TSHZ2: variants seen among roughly 807,000 people sequenced by gnomAD.
TSHZ2 encodes the protein teashirt zinc finger homeobox 2.
In TSHZ2, 21 loss-of-function variants were observed where a neutral mutation model predicts 74.4. The ratio of observed to expected loss-of-function variants is 0.28; its 90% CI spans 0.20 to 0.41. TSHZ2 has a LOEUF of 0.41. Ranked by LOEUF, TSHZ2 falls within the 10% of genes least tolerant of loss-of-function variation. TSHZ2 has a pLI of 1.00. For synonymous variants in TSHZ2, 540 were observed against 515.3 expected, an observed-to-expected ratio of 1.05 and a Z score of -0.65; for missense variants, 1,244 against 1,293.5, an observed-to-expected ratio of 0.96 and a Z score of 0.59.
At chr20:53,172,297 G>A (rs552336013) in intron 1 of TSHZ2, among the ~76,000 whole-genome samples, 1 of 152,204 alleles carries the variant, frequency 6.6e-6, no homozygotes, top group African/African-American at 2.4e-5. Context: ...AGGCTTTTGA[G>A]GATTTTCTTT....
intron 2 of TSHZ2, among the ~76,000 whole-genome samples, chr20:53,291,993 TAAA>T (rs11411553): frequency 7.1e-6 from 1 of 141,240 alleles, no homozygotes; most frequent in Non-Finnish European, 1.5e-5. Context: ...GGATAGCATT[TAAA>T]AAAAAAAAAA....
chr20:53,484,686 T>C (rs1986250341), intron 2 of TSHZ2, among the ~76,000 whole-genome samples: 1 of 152,150 alleles, frequency 6.6e-6, no homozygotes, highest in Admixed American at 6.5e-5. Flanking sequence ...ATGCTCGTCC[T>C]TTATCTCTCA....
At chr20:53,202,633 A>T (rs1385830007) in intron 1 of TSHZ2, among the ~76,000 whole-genome samples, 5 of 152,214 alleles carry the variant, frequency 3.3e-5, no homozygotes, top group African/African-American at 1.2e-4. Flanking sequence ...AGACTTATGC[A>T]AATCACCGTA....
At position 53,202,297 on chromosome 20, in the gene TSHZ2, A is replaced by G. The variant is rs192152796; in HGVS notation, c.41-51202A>G. Among the ~76,000 whole-genome samples, 3 of 152,240 alleles carry G rather than the reference A, an allele frequency of 2.0e-5. No homozygotes were observed. The East Asian group carries it at 5.8e-4, about 29-fold the overall frequency. On this transcript the variant is annotated intron_variant, in intron 1 of 2. Transcript: ENST00000371497. The stretch of plus-strand genomic sequence containing the variant: ...GGCCATTGTGGAAAAAGAACCTAAT[A>G]TCCTGTGTATCACTTTCTCTTCTAA...
At chr20:52,977,600 A>G (rs558115326) in intron 1 of TSHZ2, among the ~76,000 whole-genome samples, 1 of 152,226 alleles carries the variant, frequency 6.6e-6, no homozygotes, top group African/African-American at 2.4e-5. Context: ...AACATTTTGG[A>G]CGGAAATTGA....
chr20:53,210,383 G>A (rs1012468416), intron 1 of TSHZ2, among the ~76,000 whole-genome samples: 2 of 152,144 alleles, frequency 1.3e-5, no homozygotes, highest in African/African-American at 4.8e-5. Context: ...TTTATCGAGC[G>A]GTGGAGGTGG....
At chr20:53,077,181 G>A (rs1047244767) in intron 1 of TSHZ2, among the ~76,000 whole-genome samples, 1 of 152,166 alleles carries the variant, frequency 6.6e-6, no homozygotes, top group Non-Finnish European at 1.5e-5. Context: ...GGGAGGCTAA[G>A]GCGGGTGGGT....
chr20:53,158,450 CTGGGCTGATAGTGG>C (rs144151155), intron 1 of TSHZ2, among the ~76,000 whole-genome samples: 2,410 of 152,064 alleles, frequency 0.016, 54 homozygotes, highest in African/African-American at 0.055. Flanking sequence ...GTGGCTGTGG[CTGGGCTGATAGTGG>C]TGGGCTGATA....
intron 2 of TSHZ2, among the ~76,000 whole-genome samples, chr20:53,303,050 T>C (rs1978375842): frequency 6.6e-6 from 1 of 152,240 alleles, no homozygotes; most frequent in Non-Finnish European, 1.5e-5. Context: ...ATGTACCTTA[T>C]AAATTAATAA....
At chr20:53,198,389 G>A (rs1156861247) in intron 1 of TSHZ2, 1 of 152,156 alleles carries the variant, frequency 6.6e-6, no homozygotes, top group Non-Finnish European at 1.5e-5. Flanking sequence ...TTTTATACAC[G>A]TTATCACACT....
In TSHZ2 at chr20:53,269,797, T is replaced by TAAA. The variant is rs55746415; in HGVS notation, c.*8+13234_*8+13236dup. 9.8e-3 allele frequency among the ~76,000 whole-genome samples: 1,411 copies of TAAA among 144,446 alleles called. 27 individuals are homozygous for TAAA. Among genetic ancestry groups the TAAA allele is most frequent in the African/African-American group, 0.032 (1,220 of 38,244 alleles). The allele number at this position is 144,446 out of a possible 152,430, so 94.8% of individuals were successfully genotyped here. On this transcript the variant is annotated intron_variant, in intron 2 of 2. Coordinates refer to ENST00000371497, the MANE Select transcript of TSHZ2 (RefSeq NM_173485.6). ...ATGTACCCTAAAACTTAGAGTATAA[T>TAAA]AAAAAAAAAAGAAAAGAAAATCCAT...
intron 2 of TSHZ2, among the ~76,000 whole-genome samples, chr20:53,473,000 G>T (rs1332691473): frequency 6.6e-6 from 1 of 151,848 alleles, no homozygotes; most frequent in Non-Finnish European, 1.5e-5. Context: ...TGGCTGGGAG[G>T]GTCCTACGCC....
intron 2 of TSHZ2, among the ~76,000 whole-genome samples, chr20:53,418,759 TC>T (rs769630507): frequency 5.9e-5 from 9 of 152,028 alleles, no homozygotes; most frequent in Admixed American, 2.6e-4. Flanking sequence ...AGTTAGAGAC[TC>T]CCAGGTTCTC....
intron 1 of TSHZ2, among the ~76,000 whole-genome samples, chr20:53,005,190 C>A (rs1254449590): frequency 6.6e-6 from 1 of 151,984 alleles, no homozygotes; most frequent in Non-Finnish European, 1.5e-5. Context: ...TGGTGCACAC[C>A]TGTACCTAGC....
chr20:53,251,109 A>G (rs991071871), intron 1 of TSHZ2, among the ~76,000 whole-genome samples: 58 of 152,224 alleles, frequency 3.8e-4, no homozygotes, highest in African/African-American at 1.4e-3. Context: ...GAAAGTCCTC[A>G]TGGCCACCAA....
At chr20:53,381,164 C>A (rs1045877740) in intron 2 of TSHZ2, among the ~76,000 whole-genome samples, 1 of 152,204 alleles carries the variant, frequency 6.6e-6, no homozygotes, top group African/African-American at 2.4e-5. Flanking sequence ...GTACAAAACA[C>A]CAATCATGAA....
chr20:53,185,056 C>T (rs1203312659), intron 1 of TSHZ2, among the ~76,000 whole-genome samples: 1 of 152,140 alleles, frequency 6.6e-6, no homozygotes, highest in African/African-American at 2.4e-5. Context: ...CTGGATTGGT[C>T]GGACTGTTCC....
chr20:53,124,021 T>A (rs1349351867), intron 1 of TSHZ2, among the ~76,000 whole-genome samples: 1 of 152,188 alleles, frequency 6.6e-6, no homozygotes, highest in African/African-American at 2.4e-5. Context: ...AACACCCGAA[T>A]TTCCCCTAAA....
intron 1 of TSHZ2, among the ~76,000 whole-genome samples, chr20:53,150,041 T>A (rs1220369933): frequency 6.6e-6 from 1 of 152,244 alleles, no homozygotes; most frequent in African/African-American, 2.4e-5. Flanking sequence ...TAGTTCTGCC[T>A]ATGTGCCGGA....
Sources: gnomAD v4.1 joint callset for allele counts (sites outside exome capture counted in the v4.1 genomes callset) on GRCh38, gnomAD v4.1.1 for gene constraint, MANE v1.5 for transcripts, NCBI Gene and HGNC (gene_info 2026-07-23, HGNC 2026-07-21) for gene names.